Variants in HERC2 observed in about 807,000 individuals in gnomAD.
HERC2 encodes the protein HECT and RLD domain containing E3 ubiquitin protein ligase 2, also known as E3 ubiquitin-protein ligase HERC2.
A neutral mutation model predicts 537.7 loss-of-function variants in HERC2; 102 were observed. That is an observed-to-expected ratio of 0.19 (90% confidence interval 0.16 to 0.22). The LOEUF is 0.22. Among genes scored for constraint, HERC2 ranks in the 10% least tolerant of loss-of-function variants. The pLI, the probability that HERC2 is intolerant of heterozygous loss-of-function variation, is 1.00. For synonymous variants in HERC2, 2,224 were observed against 2,466.2 expected (o/e 0.90, Z 2.91); for missense variants, 4,236 against 6,198.2 (o/e 0.68, Z 10.63).
chr15:28,146,380 TC>T, intron 70 of HERC2, 36 bp from the exon 71 acceptor site: 1 of 1,392,510 alleles, frequency 7.2e-7, no homozygotes, highest in Non-Finnish European at 1.0e-6. Flanking sequence ...TAGCAACCAC[TC>T]CAGATCAGCA....
intron 24 of HERC2, 90 bp from the exon 25 acceptor site, chr15:28,238,307 G>A (rs1400290850): frequency 1.5e-5 from 15 of 1,024,708 alleles, no homozygotes; most frequent in Admixed American, 3.7e-5. Flanking sequence ...TAAGTTAGGC[G>A]CTTAACTCAA....
chr15:28,210,081 C>T (rs1348619655), intron 44 of HERC2, among the ~76,000 whole-genome samples: 1 of 151,246 alleles, frequency 6.6e-6, no homozygotes, highest in Non-Finnish European at 1.5e-5. Context: ...CCTGCCTCAG[C>T]CTTCCAAGTA....
At chr15:28,281,996 A>G (rs2076031173) in intron 4 of HERC2, among the ~76,000 whole-genome samples, 1 of 152,204 alleles carries the variant, frequency 6.6e-6, no homozygotes. Flanking sequence ...CCTCCTGCTT[A>G]TTCCGTCGCA....
intron 63 of HERC2, 41 bp from the exon 64 acceptor site, chr15:28,175,697 G>C: frequency 6.2e-7 from 1 of 1,606,680 alleles, no homozygotes; most frequent in Admixed American, 1.7e-5. Flanking sequence ...ATACGGTTAT[G>C]GTCTGACAAT....
chr15:28,207,416 A>G (rs2428636), intron 44 of HERC2, among the ~76,000 whole-genome samples: 5 of 152,188 alleles, frequency 3.3e-5, no homozygotes, highest in South Asian at 2.1e-4. Context: ...GATTACAGGC[A>G]TAAGCCACCA....
chr15:28,216,613 C>T (rs1899929715), intron 38 of HERC2, among the ~76,000 whole-genome samples: 1 of 151,088 alleles, frequency 6.6e-6, no homozygotes, highest in African/African-American at 2.4e-5. Context: ...AGCACACTCA[C>T]ATGCGCTCAC....
At chr15:28,170,128 C>G (rs983643006) in intron 65 of HERC2, among the ~76,000 whole-genome samples, 3 of 152,208 alleles carry the variant, frequency 2.0e-5, no homozygotes, top group African/African-American at 7.2e-5. Flanking sequence ...GTCAACTCAT[C>G]CAAATTGATA....
intron 89 of HERC2, 52 bp from the exon 90 acceptor site, chr15:28,114,854 C>A: frequency 6.7e-7 from 1 of 1,493,544 alleles, no homozygotes; most frequent in East Asian, 2.3e-5. Flanking sequence ...TCATCTCCAT[C>A]CCAGACTCCA....
rs1230524054 is a variant in HERC2 at position 28,299,496 on chromosome 15, C to G, written c.93G>C (p.Gly31=). The G allele has an allele frequency of 6.6e-7, 1 of 1,510,770 alleles. No individual in the cohort carries two copies. The highest frequency in any genetic ancestry group is 9.2e-7 in the Non-Finnish European group (1 of 1,086,288). The allele number at this position is 1,510,770 out of a possible 1,614,324, so 93.6% of individuals were successfully genotyped here. Residue 31 remains glycine, a synonymous_variant, in exon 3 of 93, where the codon GGG becomes GGC. Coordinates refer to ENST00000261609, the MANE Select transcript of HERC2 (RefSeq NM_004667.6). ...CCATTTCATTCCACAGACCACAGAG[C>G]CCATCTCTTGTGAATGCAAGCTGGC... ...TDIQLAFTRD[G]LCGLWNEMVK... is the part of the protein sequence containing the mutation.
chr15:28,282,639 T>C (rs1471597036), intron 4 of HERC2, among the ~76,000 whole-genome samples: 2 of 152,016 alleles, frequency 1.3e-5, no homozygotes, highest in Non-Finnish European at 2.9e-5. Flanking sequence ...ACAGAAGAAA[T>C]ACATGCCCCC....
At chr15:28,247,977 G>T (rs1263503306) in intron 21 of HERC2, among the ~76,000 whole-genome samples, 1 of 152,226 alleles carries the variant, frequency 6.6e-6, no homozygotes. Context: ...CCTGGATGCT[G>T]AAGAAGGGGA....
chr15:28,243,686 T>C (rs994662200), intron 23 of HERC2, among the ~76,000 whole-genome samples: 1 of 152,102 alleles, frequency 6.6e-6, no homozygotes, highest in Non-Finnish European at 1.5e-5. Flanking sequence ...GAGATACCAG[T>C]GTACACCCAC....
At chr15:28,160,482 C>G (rs1893476914) in intron 69 of HERC2, among the ~76,000 whole-genome samples, 1 of 152,212 alleles carries the variant, frequency 6.6e-6, no homozygotes, top group South Asian at 2.1e-4. Flanking sequence ...CGATCTCAGG[C>G]TGCTGTGCTA....
At chr15:28,173,188 C>A (rs1894863196) in intron 65 of HERC2, among the ~76,000 whole-genome samples, 1 of 152,184 alleles carries the variant, frequency 6.6e-6, no homozygotes. Flanking sequence ...AGACGTACAC[C>A]TGCCATATGA....
intron 2 of HERC2, among the ~76,000 whole-genome samples, chr15:28,316,264 TCCTACGGCTAAA>T (rs1364143495): frequency 7.1e-6 from 1 of 139,940 alleles, no homozygotes; most frequent in Non-Finnish European, 1.5e-5. Context: ...GTCATCAAAG[TCCTACGGCTAAA>T]CCCTTTTCCT....
intron 14 of HERC2, among the ~76,000 whole-genome samples, chr15:28,264,781 A>G (rs1195574453): frequency 6.6e-6 from 1 of 152,172 alleles, no homozygotes; most frequent in Non-Finnish European, 1.5e-5. Context: ...TCAATAATAG[A>G]TATTTTAAAA....
At chr15:28,313,063 G>C (rs543579217) in intron 2 of HERC2, among the ~76,000 whole-genome samples, 1 of 151,988 alleles carries the variant, frequency 6.6e-6, no homozygotes, top group South Asian at 2.1e-4. Flanking sequence ...AGGCTTATTC[G>C]CTTCCCACCA....
chr15:28,132,505 G>T, intron 80 of HERC2, 148 bp downstream of exon 80: 1 of 791,216 alleles, frequency 1.3e-6, no homozygotes, highest in Non-Finnish European at 1.8e-6. Context: ...CACCATGAAG[G>T]CTGTTTATTC....
chr15:28,214,878 T>G, intron 39 of HERC2, 76 bp from the exon 40 acceptor site: 1 of 1,286,668 alleles, frequency 7.8e-7, no homozygotes, highest in Non-Finnish European at 1.1e-6. Flanking sequence ...ATTTTTTTAT[T>G]TTTTATTTTT....
Sources: gnomAD v4.1 joint callset for allele counts (sites outside exome capture counted in the v4.1 genomes callset) on GRCh38, gnomAD v4.1.1 for gene constraint, MANE v1.5 for transcripts, NCBI Gene and HGNC (gene_info 2026-07-23, HGNC 2026-07-21) for gene names.